Variants in ZNF679 observed in about 807,000 individuals in gnomAD.
ZNF679 encodes the protein hypothetical protein MGC42415.
ZNF679 carries 10 observed loss-of-function variants against 13.4 expected under a neutral mutation model. The ratio of observed to expected loss-of-function variants is 0.75; its 90% CI spans 0.46 to 1.27. ZNF679 has a LOEUF of 1.27. ZNF679 is among the 50% of genes most tolerant of loss of function. ZNF679 has a pLI of 0.00. For missense variants in ZNF679, 525 were observed against 477.8 expected, an observed-to-expected ratio of 1.10 and a Z score of -0.92; for synonymous variants, 179 against 162.5, an observed-to-expected ratio of 1.10 and a Z score of -0.77.
intron 2 of ZNF679, among the ~76,000 whole-genome samples, chr7:64,255,669 C>T (rs1275336312): frequency 6.6e-6 from 1 of 151,792 alleles, no homozygotes; most frequent in Non-Finnish European, 1.5e-5. Flanking sequence ...AGTACAGTGG[C>T]ATGATCTCGG....
chr7:64,258,760 T>G (rs1788037581), intron 2 of ZNF679, among the ~76,000 whole-genome samples: 1 of 151,884 alleles, frequency 6.6e-6, no homozygotes, highest in South Asian at 2.1e-4. Flanking sequence ...GTTCGGAACA[T>G]GCATATGTTT....
intron 4 of ZNF679, among the ~76,000 whole-genome samples, chr7:64,262,221 T>C (rs985502960): frequency 3.3e-5 from 5 of 152,194 alleles, no homozygotes; most frequent in Non-Finnish European, 5.9e-5. Context: ...TGTTTATAAA[T>C]TCTCAATATT....
At chr7:64,236,961 GAAAGAAAGAAAGAA>G (rs1236736823) in intron 1 of ZNF679, among the ~76,000 whole-genome samples, 6,112 of 47,480 alleles carry the variant, frequency 0.13, 179 homozygotes, top group Non-Finnish European at 0.17. Context: ...AAGAAAGAAA[GAAAGAAAGAAAGAA>G]AAAGAAAGAA....
chr7:64,251,387 G>T (rs982960086), intron 2 of ZNF679, among the ~76,000 whole-genome samples: 4 of 152,038 alleles, frequency 2.6e-5, no homozygotes, highest in African/African-American at 9.7e-5. Context: ...CCAGGAAATG[G>T]AGGTTCCAGT....
chr7:64,260,862 C>A lies in ZNF679; in HGVS notation c.195C>A (p.Ile65=). ...LGIAVSKPDL[I]TCLEQNKEPW... ...TTGCTGTCTCTAAGCCAGACTTGAT[C>A]ACCTGTCTGGAGCAAAATAAAGAGC... Residue 65 remains isoleucine, a synonymous_variant, in exon 4 of 5, where the codon ATC becomes ATA. Transcript: ENST00000421025. The A allele has an allele frequency of 6.2e-7, 1 of 1,610,724 alleles. No homozygotes were observed. Among genetic ancestry groups the A allele is most frequent in the South Asian group, 1.1e-5 (1 of 90,400 alleles).
At chr7:64,244,048 C>T (rs1284795877) in intron 1 of ZNF679, among the ~76,000 whole-genome samples, 2 of 152,064 alleles carry the variant, frequency 1.3e-5, no homozygotes, top group Non-Finnish European at 2.9e-5. Flanking sequence ...TCAGGAGTTC[C>T]AAGACAGCCT....
At chr7:64,236,410 C>T (rs1787711979) in intron 1 of ZNF679, among the ~76,000 whole-genome samples, 1 of 151,310 alleles carries the variant, frequency 6.6e-6, no homozygotes, top group Non-Finnish European at 1.5e-5. Context: ...TATTTAGGCA[C>T]CAGAGGTGTG....
intron 4 of ZNF679, 65 bp from the exon 5 acceptor site, chr7:64,265,831 G>T: frequency 6.6e-7 from 1 of 1,515,888 alleles, no homozygotes; most frequent in South Asian, 1.3e-5. Context: ...TTATATATTC[G>T]ATTTGTAAAG....
intron 1 of ZNF679, among the ~76,000 whole-genome samples, chr7:64,233,253 CAA>C (rs71060564): frequency 7.8e-4 from 99 of 126,206 alleles, no homozygotes; most frequent in Middle Eastern, 4.4e-3. Flanking sequence ...AACAAATAAA[CAA>C]AAAAAAAAAA....
intron 1 of ZNF679, among the ~76,000 whole-genome samples, chr7:64,236,995 GA>G: frequency 1.9e-5 from 1 of 51,968 alleles, no homozygotes; most frequent in East Asian, 7.3e-4. Flanking sequence ...AAGAAAGAAA[GA>G]AAGAAAAAGA....
In ZNF679 at chr7:64,266,859, A is replaced by T. The variant is rs540327469; in HGVS notation, c.1226A>T (p.Lys409Ile). ...ATGCATACTGGAGAGAAACCCTACAAATGTGAATAATGTGATAAAGTCCAG... is the reference window on the plus strand; with the variant it reads ...ATGCATACTGGAGAGAAACCCTACATATGTGAATAATGTGATAAAGTCCAG... ...KSMHTGEKPY[K>I]CE The change falls in exon 5 of 5, where the codon AAA becomes ATA. Residue 409 changes from lysine (K) to isoleucine (I), a missense_variant. By Grantham distance (102) the Lys-to-Ile change is moderately radical (BLOSUM62 -3). Transcript: ENST00000421025. The T allele has an allele frequency of 3.2e-4, 494 of 1,563,562 alleles. 9 individuals carry two copies. The South Asian group carries it at 5.3e-3, about 17-fold the overall frequency.
At chr7:64,236,975 A>AAAGAAAG (rs1787733157) in intron 1 of ZNF679, among the ~76,000 whole-genome samples, 1 of 16,264 alleles carries the variant, frequency 6.1e-5, no homozygotes, top group African/African-American at 1.6e-4. Flanking sequence ...GAAAGAAAGA[A>AAAGAAAG]AAAGAAAGAA....
chr7:64,237,020 A>G (rs1262977336), intron 1 of ZNF679, among the ~76,000 whole-genome samples: 1 of 148,254 alleles, frequency 6.7e-6, no homozygotes, highest in Non-Finnish European at 1.5e-5. Flanking sequence ...AAAGAAAGAA[A>G]GAAACCTATG....
At chr7:64,238,508 C>T (rs1787755557) in intron 1 of ZNF679, among the ~76,000 whole-genome samples, 1 of 152,142 alleles carries the variant, frequency 6.6e-6, no homozygotes, top group Admixed American at 6.5e-5. Flanking sequence ...CTGCCTTCGC[C>T]TCCCGAGTAG....
At chr7:64,239,798 T>C (rs1049184150) in intron 1 of ZNF679, among the ~76,000 whole-genome samples, 2 of 152,190 alleles carry the variant, frequency 1.3e-5, no homozygotes. Flanking sequence ...CTAGGACGTG[T>C]GCACAGGGGG....
At chr7:64,263,414 CTATG>C (rs1017261500) in intron 4 of ZNF679, among the ~76,000 whole-genome samples, 3 of 152,108 alleles carry the variant, frequency 2.0e-5, no homozygotes, top group African/African-American at 7.2e-5. Context: ...TTGCTAAGAC[CTATG>C]TATTCTAACA....
intron 1 of ZNF679, among the ~76,000 whole-genome samples, chr7:64,245,052 G>T (rs2116522721): frequency 6.6e-6 from 1 of 151,896 alleles, no homozygotes; most frequent in East Asian, 1.9e-4. Context: ...TTGAGATGGA[G>T]TCTTGCTCTG....
intron 2 of ZNF679, among the ~76,000 whole-genome samples, chr7:64,256,392 C>A (rs1254763236): frequency 2.6e-5 from 4 of 152,140 alleles, no homozygotes; most frequent in Admixed American, 2.6e-4. Context: ...GTGCATGTGT[C>A]TTTATGGTAG....
intron 1 of ZNF679, among the ~76,000 whole-genome samples, chr7:64,235,968 T>G (rs534150468): frequency 6.6e-6 from 1 of 152,084 alleles, no homozygotes; most frequent in Non-Finnish European, 1.5e-5. Context: ...AAAAATTTCT[T>G]TTTTTAAAAA....
Sources: gnomAD v4.1 joint callset for allele counts (sites outside exome capture counted in the v4.1 genomes callset) on GRCh38, gnomAD v4.1.1 for gene constraint, MANE v1.5 for transcripts, NCBI Gene and HGNC (gene_info 2026-07-23, HGNC 2026-07-21) for gene names.